Variants in CCDC93 observed in about 807,000 individuals in gnomAD.
CCDC93 encodes CCC complex scaffolding subunit CCDC93, also known as coiled-coil domain-containing protein 93.
In CCDC93, 61 loss-of-function variants were observed where a neutral mutation model predicts 108.2. The observed-to-expected ratio is 0.56, with a 90% CI of 0.46 to 0.70. The LOEUF is 0.70. Ranked by LOEUF, CCDC93 falls within the 30% of genes least tolerant of loss-of-function variation. The probability of loss-of-function intolerance (pLI) is 0.00; values close to 1 mark genes in which losing one functional copy is unlikely to be tolerated. For synonymous variants in CCDC93, 276 were observed against 260.4 expected, an observed-to-expected ratio of 1.06 and a Z score of -0.58; for missense variants, 685 against 764.2, an observed-to-expected ratio of 0.90 and a Z score of 1.22.
chr2:117,949,831 G>A (rs1410976737), intron 13 of CCDC93: 2 of 985,222 alleles, frequency 2.0e-6, no homozygotes, highest in African/African-American at 1.7e-5. Flanking sequence ...TAGAACACAA[G>A]AGTTTAACCT....
intron 22 of CCDC93, chr2:117,935,046 A>G (rs1354756029): frequency 6.6e-6 from 1 of 152,362 alleles, no homozygotes; most frequent in Admixed American, 6.5e-5. Context: ...GTTCCTGAAA[A>G]CCAAAATGCT....
chr2:117,950,879 G>A, intron 13 of CCDC93: 1 of 985,398 alleles, frequency 1.0e-6, no homozygotes, highest in Non-Finnish European at 1.2e-6. Context: ...CCGGCTGCAT[G>A]GCCTCTCTGC....
intron 12 of CCDC93, among the ~76,000 whole-genome samples, chr2:117,953,364 T>C (rs1422636737): frequency 1.3e-5 from 2 of 152,124 alleles, no homozygotes; most frequent in South Asian, 2.1e-4. Flanking sequence ...CAACTCAAGC[T>C]GAGAGCAATG....
intron 3 of CCDC93, among the ~76,000 whole-genome samples, chr2:118,003,042 C>T (rs1676755147): frequency 6.6e-6 from 1 of 152,096 alleles, no homozygotes; most frequent in South Asian, 2.1e-4. Context: ...TCTCTTAAAA[C>T]AAAACAAAAC....
At chr2:117,982,762 G>A (rs1362704340) in intron 7 of CCDC93, among the ~76,000 whole-genome samples, 1 of 151,942 alleles carries the variant, frequency 6.6e-6, no homozygotes, top group Admixed American at 6.6e-5. Context: ...TAGTGGGGGG[G>A]GGGGTGCGTG....
Position 117,973,909 on chromosome 2 carries a change from T to C in CCDC93, c.887A>G (p.Lys296Arg). 6.2e-7 allele frequency: 1 copy of C among 1,609,292 alleles called. No individual in the cohort carries two copies. Among genetic ancestry groups the C allele is most frequent in the Non-Finnish European group, 8.5e-7 (1 of 1,177,496 alleles). ...GACTCCAGCTGGGCCCCCACCTACC[T>C]TCTCTGCATACTCGGACACAATCTG... ...IKQIVSEYAEKQSELSAEESP... is the reference protein window; with the variant it reads ...IKQIVSEYAERQSELSAEESP... The change falls in exon 11 of 24, where the codon AAG becomes AGG. Residue 296 changes from lysine to arginine, a missense_variant and splice_region_variant. By Grantham distance (26) the Lys-to-Arg change is conservative. Coordinates refer to ENST00000376300, the MANE Select transcript of CCDC93 (RefSeq NM_019044.5).
At chr2:117,964,025 TCGATC>T (rs1679475261) in intron 11 of CCDC93, among the ~76,000 whole-genome samples, 1 of 152,102 alleles carries the variant, frequency 6.6e-6, no homozygotes, top group Non-Finnish European at 1.5e-5. Context: ...TACGTAAGAG[TCGATC>T]CGAATTCAGG....
intron 22 of CCDC93, among the ~76,000 whole-genome samples, chr2:117,933,130 C>T (rs1312157779): frequency 4.6e-5 from 7 of 152,190 alleles, no homozygotes; most frequent in Admixed American, 3.3e-4. Context: ...GCTAATTTAA[C>T]TTTTTTGAAT....
intron 6 of CCDC93, among the ~76,000 whole-genome samples, chr2:117,993,741 GT>G (rs1680559084): frequency 6.6e-6 from 1 of 152,064 alleles, no homozygotes; most frequent in South Asian, 2.1e-4. Flanking sequence ...TTTTGTTTTT[GT>G]TTTTGTTTTG....
At chr2:118,006,004 T>G (rs1281560714) in intron 3 of CCDC93, among the ~76,000 whole-genome samples, 1 of 152,192 alleles carries the variant, frequency 6.6e-6, no homozygotes, top group Non-Finnish European at 1.5e-5. Context: ...GTGGCAGTCT[T>G]ACCCCAACTC....
intron 2 of CCDC93, among the ~76,000 whole-genome samples, chr2:118,007,512 T>C (rs1200110673): frequency 1.3e-5 from 2 of 151,950 alleles, no homozygotes; most frequent in African/African-American, 4.8e-5. Flanking sequence ...CTACTAAAGA[T>C]GCAAAAATTA....
In CCDC93 at chr2:117,948,194, G is replaced by T. The variant is rs113300643; in HGVS notation, c.1143-8C>A. On this transcript the variant is annotated splice_region_variant and splice_polypyrimidine_tract_variant and intron_variant, in intron 14 of 23. Coordinates refer to ENST00000376300, the MANE Select transcript of CCDC93 (RefSeq NM_019044.5). ...CTCAGGTTCTGTAGGATACTGAAGA[G>T]AAAAGACAAAAAAATGACATATGGC... 5 of 1,602,332 alleles carry T rather than the reference G, an allele frequency of 3.1e-6. No homozygotes were observed. The African/African-American group carries it at 5.4e-5, about 17-fold the overall frequency.
intron 12 of CCDC93, among the ~76,000 whole-genome samples, chr2:117,956,950 G>A (rs1321640755): frequency 6.6e-6 from 1 of 150,864 alleles, no homozygotes; most frequent in African/African-American, 2.4e-5. Context: ...GAGTGCAACA[G>A]CATGATCTCG....
At chr2:117,965,400 G>A (rs147432532) in intron 11 of CCDC93, among the ~76,000 whole-genome samples, 14 of 152,210 alleles carry the variant, frequency 9.2e-5, no homozygotes, top group South Asian at 2.1e-4. Context: ...CGGGGTCCCC[G>A]GGCTGCTAAG....
intron 13 of CCDC93, chr2:117,951,385 G>A: frequency 3.0e-6 from 3 of 985,388 alleles, no homozygotes; most frequent in Non-Finnish European, 3.6e-6. Flanking sequence ...CTGCCCTTTT[G>A]AAATATTCTG....
intron 23 of CCDC93, among the ~76,000 whole-genome samples, chr2:117,926,108 C>T (rs1300403099): frequency 6.6e-6 from 1 of 152,080 alleles, no homozygotes; most frequent in African/African-American, 2.4e-5. Flanking sequence ...CTCTGGGACA[C>T]ATTCAAAGCA....
chr2:117,986,981 T>C (rs987021874), intron 6 of CCDC93, among the ~76,000 whole-genome samples: 1 of 151,460 alleles, frequency 6.6e-6, no homozygotes, highest in African/African-American at 2.4e-5. Context: ...CTATTGTACT[T>C]AGTTACAATT....
At chr2:118,002,400 G>A (rs1312824034) in intron 3 of CCDC93, among the ~76,000 whole-genome samples, 1 of 152,150 alleles carries the variant, frequency 6.6e-6, no homozygotes, top group Non-Finnish European at 1.5e-5. Flanking sequence ...GTAACTAGGT[G>A]ACCTAGGAAC....
intron 11 of CCDC93, among the ~76,000 whole-genome samples, chr2:117,963,063 CAG>C (rs1408788318): frequency 2.0e-5 from 3 of 152,182 alleles, no homozygotes; most frequent in Non-Finnish European, 4.4e-5. Context: ...GAAGCAAAAG[CAG>C]ATCTTCCCTG....
Sources: allele counts gnomAD v4.1 joint callset (sites outside exome capture counted in the v4.1 genomes callset), GRCh38; gene constraint gnomAD v4.1.1; transcripts MANE v1.5; gene names NCBI Gene and HGNC (gene_info 2026-07-23, HGNC 2026-07-21).